Variants in CATSPERT observed in about 807,000 individuals in gnomAD.
CATSPERT encodes catsper channel auxiliary subunit tau, also known as cation channel sperm-associated targeting subunit tau.
the CATSPERT span, chr2:201,534,805 A>C: frequency 8.9e-6 from 8 of 894,030 alleles, no homozygotes; most frequent in South Asian, 3.6e-4. Flanking sequence ...CTTAATGTCC[A>C]ACAATATGAA....
At chr2:201,546,879 C>T in the CATSPERT span, among the ~76,000 whole-genome samples, 1 of 152,028 alleles carries the variant, frequency 6.6e-6, no homozygotes, top group African/African-American at 2.4e-5. Flanking sequence ...AAACTAAATG[C>T]CCATCAGCTG....
the CATSPERT span, among the ~76,000 whole-genome samples, chr2:201,549,246 C>T: frequency 2.6e-5 from 4 of 152,016 alleles, no homozygotes; most frequent in East Asian, 1.9e-4. Context: ...TAAGACCTTA[C>T]ACTTCTGGTC....
At chr2:201,489,279 T>C in the CATSPERT span, among the ~76,000 whole-genome samples, 1 of 152,352 alleles carries the variant, frequency 6.6e-6, no homozygotes, top group African/African-American at 2.4e-5. Flanking sequence ...TCATTTAACA[T>C]AAACACAATT....
the CATSPERT span, among the ~76,000 whole-genome samples, chr2:201,524,303 A>G: frequency 1.3e-5 from 2 of 152,220 alleles, no homozygotes; most frequent in African/African-American, 4.8e-5. Flanking sequence ...GCCAGAAGAG[A>G]TTGGGAGCCT....
the CATSPERT span, among the ~76,000 whole-genome samples, chr2:201,505,548 G>C: frequency 6.6e-6 from 1 of 152,070 alleles, no homozygotes; most frequent in Non-Finnish European, 1.5e-5. Context: ...AAAAACATCA[G>C]ACAAACACAG....
chr2:201,490,561 A>G, the CATSPERT span, among the ~76,000 whole-genome samples: 2 of 152,210 alleles, frequency 1.3e-5, no homozygotes, highest in South Asian at 2.1e-4. Flanking sequence ...GAATCTGCCC[A>G]GAGGAAGAGG....
At chr2:201,563,405 CCGGGCGGGGGG>C in the CATSPERT span, among the ~76,000 whole-genome samples, 1 of 111,326 alleles carries the variant, frequency 9.0e-6, no homozygotes, top group South Asian at 3.2e-4. Flanking sequence ...GGGCGGCTGG[CCGGGCGGGGGG>C]CTGACCCCCT....
At chr2:201,583,330 G>A in the CATSPERT span, among the ~76,000 whole-genome samples, 2 of 152,148 alleles carry the variant, frequency 1.3e-5, no homozygotes, top group South Asian at 4.1e-4. Context: ...TCAGTGAATG[G>A]AGAACCCCTT....
At chr2:201,578,809 T>G in the CATSPERT span, among the ~76,000 whole-genome samples, 1 of 152,304 alleles carries the variant, frequency 6.6e-6, no homozygotes, top group South Asian at 2.1e-4. Flanking sequence ...AAAAATTAAC[T>G]AATAAGTAAT....
chr2:201,574,087 A>T, the CATSPERT span: 1 of 603,258 alleles, frequency 1.7e-6, no homozygotes, highest in Admixed American at 4.0e-5. Context: ...GTCGGGAGGT[A>T]AAGAAGCATC....
the CATSPERT span, among the ~76,000 whole-genome samples, chr2:201,541,380 G>A: frequency 4.5e-4 from 68 of 151,606 alleles, no homozygotes; most frequent in Middle Eastern, 3.4e-3. Context: ...GCCAACTGAC[G>A]CAGCAAAATT....
chr2:201,592,281 A>G, the CATSPERT span, among the ~76,000 whole-genome samples: 118,431 of 138,142 alleles, frequency 0.86, 51,813 homozygotes, highest in South Asian at 0.98. Flanking sequence ...GCTGGATTAC[A>G]TTTATTGATT....
chr2:201,548,241 A>T, the CATSPERT span, among the ~76,000 whole-genome samples: 3 of 152,132 alleles, frequency 2.0e-5, no homozygotes, highest in Non-Finnish European at 4.4e-5. Context: ...GAGGCCAGGA[A>T]TTCCAAGATC....
At chr2:201,541,678 C>T in the CATSPERT span, among the ~76,000 whole-genome samples, 7 of 151,178 alleles carry the variant, frequency 4.6e-5, no homozygotes, top group African/African-American at 1.2e-4. Context: ...TTACTGCAAC[C>T]TCCACCTCCC....
the CATSPERT span, among the ~76,000 whole-genome samples, chr2:201,590,095 C>T: frequency 6.6e-6 from 1 of 151,226 alleles, no homozygotes; most frequent in African/African-American, 2.4e-5. Flanking sequence ...ATAACTCATC[C>T]TCTAGCATTA....
chr2:201,504,261 G>C, the CATSPERT span, among the ~76,000 whole-genome samples: 2 of 152,178 alleles, frequency 1.3e-5, no homozygotes, highest in Non-Finnish European at 2.9e-5. Flanking sequence ...CTCCTGTGCT[G>C]CTGCCTTCAG....
the CATSPERT span, among the ~76,000 whole-genome samples, chr2:201,504,249 C>T: frequency 2.6e-5 from 4 of 152,296 alleles, no homozygotes; most frequent in South Asian, 2.1e-4. Flanking sequence ...TTTGGCTTCC[C>T]GCTCCTGTGC....
chr2:201,580,037 A>G, the CATSPERT span, among the ~76,000 whole-genome samples: 1 of 151,992 alleles, frequency 6.6e-6, no homozygotes, highest in Non-Finnish European at 1.5e-5. Context: ...GTGTAGAGAC[A>G]GGGTCTTGCT....
At chr2:201,602,581 A>G in the CATSPERT span, among the ~76,000 whole-genome samples, 2 of 152,216 alleles carry the variant, frequency 1.3e-5, no homozygotes, top group African/African-American at 2.4e-5. Context: ...TTACAAATAA[A>G]TTAGCATTAT....
Sources: allele counts gnomAD v4.1 joint callset (sites outside exome capture counted in the v4.1 genomes callset), GRCh38; gene constraint gnomAD v4.1.1; transcripts MANE v1.5; gene names NCBI Gene and HGNC (gene_info 2026-07-23, HGNC 2026-07-21).